Variants in DENND4A observed in about 807,000 individuals in gnomAD.
DENND4A encodes the protein C-myc promoter-binding protein.
DENND4A carries 70 observed loss-of-function variants against 199.3 expected under a neutral mutation model. The observed-to-expected ratio is 0.35, with a 90% CI of 0.29 to 0.43. DENND4A has a LOEUF of 0.43. Among genes scored for constraint, DENND4A ranks in the 20% least tolerant of loss-of-function variants. The pLI is 1.00. For synonymous variants in DENND4A, 686 were observed against 766.9 expected (o/e 0.89, Z 1.74); for missense variants, 1,723 against 2,255.8 (o/e 0.76, Z 4.78).
intron 32 of DENND4A, among the ~76,000 whole-genome samples, chr15:65,662,682 C>G (rs1000392717): frequency 1.3e-5 from 2 of 152,174 alleles, no homozygotes; most frequent in African/African-American, 4.8e-5. Context: ...TAAACACATA[C>G]TGGATAAAAA....
chr15:65,770,988 C>A (rs1265522375), intron 1 of DENND4A, among the ~76,000 whole-genome samples: 3 of 152,118 alleles, frequency 2.0e-5, no homozygotes, highest in Admixed American at 1.3e-4. Flanking sequence ...CTAAAATATT[C>A]CATTTTAGTT....
intron 12 of DENND4A, among the ~76,000 whole-genome samples, chr15:65,720,649 TGATC>T (rs35379069): frequency 0.2 from 30,709 of 151,498 alleles, 4,107 homozygotes; most frequent in East Asian, 0.73. Flanking sequence ...TGACCTCAGG[TGATC>T]CACCTGCCTC....
intron 1 of DENND4A, among the ~76,000 whole-genome samples, chr15:65,774,387 G>C (rs1567100131): frequency 6.6e-6 from 1 of 152,232 alleles, no homozygotes; most frequent in Non-Finnish European, 1.5e-5. Flanking sequence ...CTACTCAGAA[G>C]GCTGAGGCAG....
intron 14 of DENND4A, among the ~76,000 whole-genome samples, chr15:65,712,985 C>G (rs1209911697): frequency 5.3e-5 from 8 of 152,126 alleles, no homozygotes; most frequent in South Asian, 2.1e-4. Flanking sequence ...GATGACCCAT[C>G]ATCACCCCTG....
At chr15:65,741,222 A>G (rs546668683) in intron 5 of DENND4A, among the ~76,000 whole-genome samples, 1 of 152,252 alleles carries the variant, frequency 6.6e-6, no homozygotes, top group African/African-American at 2.4e-5. Context: ...CCTGCATAAA[A>G]GCAATTTTTA....
chr15:65,741,386 T>G (rs2076257393), intron 5 of DENND4A, among the ~76,000 whole-genome samples: 1 of 152,222 alleles, frequency 6.6e-6, no homozygotes, highest in East Asian at 1.9e-4. Context: ...GAACTACAGC[T>G]CTTACTAAAT....
chr15:65,700,452 A>G (rs2074825623), intron 20 of DENND4A, 92 bp downstream of exon 20: 2 of 709,800 alleles, frequency 2.8e-6, no homozygotes, highest in East Asian at 3.6e-5. Context: ...ACAGTTAAAC[A>G]TCACTGAAAA....
chr15:65,660,465 C>A lies in DENND4A; in HGVS notation c.*1386G>T. On this transcript the variant is annotated 3_prime_UTR_variant, in exon 33 of 33. Coordinates refer to ENST00000443035, the MANE Select transcript of DENND4A (RefSeq NM_001320835.1). Reference sequence around the variant, plus strand: ...CTATCCATTTTTTCCTTCTTTAAAGCTGGCTAGGGAATTCCTTCACTAATG... The same window carrying A: ...CTATCCATTTTTTCCTTCTTTAAAGATGGCTAGGGAATTCCTTCACTAATG... 1.8e-6 allele frequency: 1 copy of A among 561,028 alleles called. No homozygotes were observed. The highest frequency in any genetic ancestry group is 3.1e-6 in the Non-Finnish European group (1 of 320,246). The allele number at this position is 561,028 out of a possible 1,614,324, so 34.8% of individuals were successfully genotyped here.
Position 65,717,983 on chromosome 15 carries a change from C to T in DENND4A, c.1602G>A (p.Pro534=), listed in dbSNP as rs749952709. 1.6e-5 allele frequency: 26 copies of T among 1,600,714 alleles called. No homozygotes were observed. The highest frequency in any genetic ancestry group is 5.6e-5 in the South Asian group (5 of 88,804). ...CTAAATCCATGAGTCCATCATCTCT[C>T]GGTCTCTGCTGCACTGTGAAGACAT... ...HQQLAKLQQR[P]RDDGLMDLAI... is the part of the protein sequence containing the mutation. The change falls in exon 13 of 33, where the codon CCG becomes CCA. Residue 534 remains proline, a synonymous_variant. Transcript: ENST00000443035.
At chr15:65,687,791 A>AT (rs36124479) in intron 23 of DENND4A, among the ~76,000 whole-genome samples, 18 of 151,252 alleles carry the variant, frequency 1.2e-4, no homozygotes, top group African/African-American at 4.4e-4. Flanking sequence ...GTGTATTTTA[A>AT]TTTTTTTTTA....
chr15:65,749,961 T>C (rs2076517410), intron 4 of DENND4A, among the ~76,000 whole-genome samples: 1 of 152,180 alleles, frequency 6.6e-6, no homozygotes, highest in Non-Finnish European at 1.5e-5. Flanking sequence ...ACAGCATTAA[T>C]CAAAGTAGCA....
intron 1 of DENND4A, among the ~76,000 whole-genome samples, chr15:65,778,869 G>C (rs1017730165): frequency 6.7e-6 from 1 of 150,072 alleles, no homozygotes; most frequent in Non-Finnish European, 1.5e-5. Flanking sequence ...ACTCCAGCCC[G>C]GGTGACACAA....
chr15:65,672,492 G>A (rs1049168100), intron 24 of DENND4A, among the ~76,000 whole-genome samples: 3 of 151,946 alleles, frequency 2.0e-5, no homozygotes, highest in African/African-American at 4.8e-5. Flanking sequence ...TTAGCTGGAC[G>A]TGGTGGTGTG....
rs1470526339 is a variant in DENND4A at position 65,667,721 on chromosome 15, A to C, written c.4987-18T>G. The C allele has an allele frequency of 1.2e-5, 19 of 1,595,450 alleles. No homozygotes were observed. Among genetic ancestry groups the C allele is most frequent in the Non-Finnish European group, 1.6e-5 (19 of 1,174,184 alleles). On this transcript the variant is annotated intron_variant, in intron 28 of 32. Transcript: ENST00000443035. ...AAAGAATCCTGTTGAATAAATAAAA[A>C]CCATAAATGGCAAATGCAAAATAAT...
Position 65,668,022 on chromosome 15 carries a change from C to T in DENND4A, c.4889G>A (p.Arg1630Lys), listed in dbSNP as rs1485750668. Residue 1630 changes from arginine (R) to lysine (K), a missense_variant, in exon 28 of 33, where the codon AGG becomes AAG. By Grantham distance (26) the Arg-to-Lys change is conservative (BLOSUM62 2). Coordinates refer to ENST00000443035, the MANE Select transcript of DENND4A (RefSeq NM_001320835.1). ...CAAGGGGCCAGAAGTACTAATACTC[C>T]TGGCCATTGGAAATATTGGACATTT... ...MSKCPIFPMA[R>K]SISTSGPLDK... 9 of 1,612,680 alleles carry T rather than the reference C, an allele frequency of 5.6e-6. No individual in the cohort carries two copies. Among genetic ancestry groups the T allele is most frequent in the Non-Finnish European group, 7.6e-6 (9 of 1,179,600 alleles).
At position 65,726,857 on chromosome 15, in the gene DENND4A, G is replaced by A. The variant is rs557146104; in HGVS notation, c.1487+2215C>T. The stretch of plus-strand genomic sequence containing the variant: ...TGTAGTCCCAGCTACTTGGGAGGCT[G>A]AGGCAGGAGAATTGCTTGAACCTGG... On this transcript the variant is annotated intron_variant, in intron 11 of 32. Transcript: ENST00000443035. Among the ~76,000 whole-genome samples, 35 of 152,228 alleles carry A rather than the reference G, an allele frequency of 2.3e-4. No homozygotes were observed. In the South Asian group the frequency reaches 6.6e-3, roughly 29 times the overall value.
chr15:65,740,314 T>C (rs986447185), intron 5 of DENND4A, among the ~76,000 whole-genome samples: 1 of 150,856 alleles, frequency 6.6e-6, no homozygotes, highest in Non-Finnish European at 1.5e-5. Flanking sequence ...AAAAGAAATA[T>C]TGATGAGAGC....
At chr15:65,663,192 A>T (rs868473410) in intron 32 of DENND4A, among the ~76,000 whole-genome samples, 1,343 of 121,812 alleles carry the variant, frequency 0.011, 26 homozygotes, top group African/African-American at 0.046. Flanking sequence ...ATATATATAT[A>T]TATATATTTT....
At chr15:65,749,360 G>T (rs139630609) in intron 4 of DENND4A, among the ~76,000 whole-genome samples, 10 of 152,210 alleles carry the variant, frequency 6.6e-5, no homozygotes, top group Middle Eastern at 3.4e-3. Context: ...AAAATGGGGA[G>T]AAAATACCTA....
Sources: gnomAD v4.1 joint callset for allele counts (sites outside exome capture counted in the v4.1 genomes callset) on GRCh38, gnomAD v4.1.1 for gene constraint, MANE v1.5 for transcripts, NCBI Gene and HGNC (gene_info 2026-07-23, HGNC 2026-07-21) for gene names.